Variants in SIAE observed in about 807,000 individuals in gnomAD.
SIAE encodes sialate O-acetylesterase.
SIAE carries 39 observed loss-of-function variants against 52.6 expected under a neutral mutation model. The ratio of observed to expected loss-of-function variants is 0.74; its 90% CI spans 0.57 to 0.97. The LOEUF is 0.97. Ranked by LOEUF, SIAE falls within the 50% of genes least tolerant of loss-of-function variation. The pLI, the probability that SIAE is intolerant of heterozygous loss-of-function variation, is 0.00. For synonymous variants in SIAE, 233 were observed against 241.4 expected, an observed-to-expected ratio of 0.97 and a Z score of 0.32; for missense variants, 592 against 662.1, an observed-to-expected ratio of 0.89 and a Z score of 1.16.
chr11:124,669,272 T>C (rs1229461010), intron 2 of SIAE, 88 bp downstream of exon 2: 6 of 1,492,750 alleles, frequency 4.0e-6, no homozygotes, highest in East Asian at 2.3e-5. Flanking sequence ...GGATGGATAA[T>C]GTGAGCTACA....
intron 1 of SIAE, among the ~76,000 whole-genome samples, chr11:124,672,823 C>G (rs1943386934): frequency 6.6e-6 from 1 of 152,152 alleles, no homozygotes; most frequent in South Asian, 2.1e-4. Context: ...TTTTTCTGCA[C>G]GCTGTTCTCC....
At chr11:124,665,478 C>T (rs986543231) in intron 2 of SIAE, among the ~76,000 whole-genome samples, 1 of 152,218 alleles carries the variant, frequency 6.6e-6, no homozygotes, top group African/African-American at 2.4e-5. Flanking sequence ...TAACTCCCTA[C>T]TCGCACCTCC....
intron 8 of SIAE, 95 bp downstream of exon 8, chr11:124,639,615 A>G: frequency 6.5e-7 from 1 of 1,545,230 alleles, no homozygotes; most frequent in Non-Finnish European, 8.9e-7. Context: ...CTTAAGTGCC[A>G]ATCCTCAGTC....
At chr11:124,639,975 T>G in intron 7 of SIAE, 108 bp from the exon 8 acceptor site, 1 of 1,276,976 alleles carries the variant, frequency 7.8e-7, no homozygotes, top group Non-Finnish European at 1.1e-6. Context: ...AAATGCTCAT[T>G]CAACACGTAT....
At position 124,635,768 on chromosome 11, in the gene SIAE, G is replaced by C. The variant is rs1269294269; in HGVS notation, c.*1183C>G. The C allele has an allele frequency of 1.3e-5, 2 of 152,142 alleles. No homozygotes were observed. The highest frequency in any genetic ancestry group is 1.3e-4 in the Admixed American group (2 of 15,268). 9.4% of individuals were successfully genotyped at this position (152,142 alleles called of 1,614,324 possible). On this transcript the variant is annotated 3_prime_UTR_variant, in exon 10 of 10. Transcript: ENST00000263593. Reference sequence around the variant, plus strand: ...TTTTCACATGCTTCAAGGACAGTTTGCAAGTGGATATAAATACATACACAT... The same window carrying C: ...TTTTCACATGCTTCAAGGACAGTTTCCAAGTGGATATAAATACATACACAT...
At chr11:124,644,616 G>A (rs981079324) in intron 7 of SIAE, among the ~76,000 whole-genome samples, 3 of 152,162 alleles carry the variant, frequency 2.0e-5, no homozygotes, top group Admixed American at 6.5e-5. Flanking sequence ...GAAATACTGC[G>A]GCTAATAAAG....
chr11:124,642,714 T>C (rs1243655558), intron 7 of SIAE, among the ~76,000 whole-genome samples: 2 of 152,244 alleles, frequency 1.3e-5, no homozygotes, highest in Non-Finnish European at 2.9e-5. Flanking sequence ...ATATCACTCC[T>C]GTGATTATGT....
chr11:124,651,324 G>A (rs974708328), intron 4 of SIAE, among the ~76,000 whole-genome samples: 1 of 152,070 alleles, frequency 6.6e-6, no homozygotes, highest in African/African-American at 2.4e-5. Flanking sequence ...GAAGCAGGCA[G>A]ATCATGAGGT....
At chr11:124,644,351 G>GGAAAAAA in intron 7 of SIAE, among the ~76,000 whole-genome samples, 1 of 98,976 alleles carries the variant, frequency 1.0e-5, no homozygotes, top group East Asian at 3.8e-4. Context: ...AGTCTGTGGT[G>GGAAAAAA]AGAAAAAAAA....
upstream of SIAE, chr11:124,676,285 A>ACTC (rs1943463852): frequency 6.6e-6 from 1 of 152,084 alleles, no homozygotes; most frequent in South Asian, 2.1e-4. Context: ...TAGCCACTGC[A>ACTC]CTCCATCCTG....
intron 7 of SIAE, among the ~76,000 whole-genome samples, chr11:124,644,519 C>T (rs1020453150): frequency 2.6e-5 from 4 of 152,246 alleles, no homozygotes; most frequent in Middle Eastern, 3.4e-3. Flanking sequence ...CATGGGGGCA[C>T]CGGCGTACTC....
intron 3 of SIAE, among the ~76,000 whole-genome samples, chr11:124,656,623 A>C (rs917644003): frequency 6.6e-6 from 1 of 152,246 alleles, no homozygotes; most frequent in African/African-American, 2.4e-5. Context: ...ACTTATGCAC[A>C]AGTGCTATTT....
In SIAE at chr11:124,666,203, T is replaced by C. The variant is rs140271083; in HGVS notation, c.229+3157A>G. Reference sequence around the variant, plus strand: ...AAACCTTTATGCTGTTATATCTTACTTTGTTCTGGGTACCTAGGGGACTAT... The same window carrying C: ...AAACCTTTATGCTGTTATATCTTACCTTGTTCTGGGTACCTAGGGGACTAT... On this transcript the variant is annotated intron_variant, in intron 2 of 9. Coordinates refer to ENST00000263593, the MANE Select transcript of SIAE (RefSeq NM_170601.5). 1.1e-4 allele frequency among the ~76,000 whole-genome samples: 16 copies of C among 152,330 alleles called. No homozygotes were observed. The East Asian group carries it at 2.3e-3, about 22-fold the overall frequency.
intron 4 of SIAE, among the ~76,000 whole-genome samples, chr11:124,651,214 C>T (rs1943011131): frequency 6.6e-6 from 1 of 152,040 alleles, no homozygotes; most frequent in Non-Finnish European, 1.5e-5. Flanking sequence ...AATATAGAGA[C>T]ACATGGAACC....
chr11:124,636,707 G>T lies in SIAE; in HGVS notation c.*244C>A. 1 of 555,200 alleles carries T rather than the reference G, an allele frequency of 1.8e-6. No individual in the cohort carries two copies. Among genetic ancestry groups the T allele is most frequent in the Non-Finnish European group, 3.2e-6 (1 of 312,470 alleles). The allele number at this position is 555,200 out of a possible 1,614,324, so 34.4% of individuals were successfully genotyped here. ...AGTAAATGACATTGAGGTCCAATTT[G>T]TCTGTAGTTCAGAATTAGTCCAATA... On this transcript the variant is annotated 3_prime_UTR_variant, in exon 10 of 10. Coordinates refer to ENST00000263593, the MANE Select transcript of SIAE (RefSeq NM_170601.5).
intron 1 of SIAE, 129 bp from the exon 2 acceptor site, chr11:124,669,650 G>A (rs1038885187): frequency 1.5e-5 from 13 of 862,392 alleles, no homozygotes; most frequent in East Asian, 2.6e-5. Context: ...CCCTTTAATC[G>A]TCTAAAACTG....
At chr11:124,660,923 G>T in intron 2 of SIAE, 120 bp from the exon 3 acceptor site, 2 of 1,156,624 alleles carry the variant, frequency 1.7e-6, no homozygotes, top group Non-Finnish European at 2.6e-6. Context: ...AAGCTATGAA[G>T]ATTGGCCAAA....
chr11:124,663,393 G>A (rs1047056599), intron 2 of SIAE, among the ~76,000 whole-genome samples: 3 of 152,132 alleles, frequency 2.0e-5, no homozygotes, highest in African/African-American at 7.2e-5. Context: ...TGGCTGACAA[G>A]GTGAAACCCT....
At position 124,636,951 on chromosome 11, in the gene SIAE, T is replaced by C; in HGVS notation, c.1572A>G (p.Ter524TrpextTer20). The C allele has an allele frequency of 6.2e-7, 1 of 1,614,110 alleles. No homozygotes were observed. The highest frequency in any genetic ancestry group is 8.5e-7 in the Non-Finnish European group (1 of 1,180,038). Residue 524 changes from the stop codon to tryptophan, a stop_lost, in exon 10 of 10, where the codon TGA becomes TGG. Coordinates refer to ENST00000263593, the MANE Select transcript of SIAE (RefSeq NM_170601.5). Reference sequence around the variant, plus strand: ...CTAAGTTCTGATCATACTGAAACAGTCATTTAGCAACATTGCTCTGATGTC... The same window carrying C: ...CTAAGTTCTGATCATACTGAAACAGCCATTTAGCAACATTGCTCTGATGTC... ...GPGHQSNVAK[*>W] is the part of the protein sequence containing the mutation.
Sources: gnomAD v4.1 joint callset for allele counts (sites outside exome capture counted in the v4.1 genomes callset) on GRCh38, gnomAD v4.1.1 for gene constraint, MANE v1.5 for transcripts, NCBI Gene and HGNC (gene_info 2026-07-23, HGNC 2026-07-21) for gene names.